The following KCNH7 variants were observed in gnomAD, a reference collection of about 807,000 sequenced individuals.
KCNH7 encodes the protein potassium voltage-gated channel subfamily H member 7, also known as voltage-gated inwardly rectifying potassium channel KCNH7.
A neutral mutation model predicts 120.8 loss-of-function variants in KCNH7; 49 were observed. The ratio of observed to expected loss-of-function variants is 0.41; its 90% CI spans 0.32 to 0.51. KCNH7 has a LOEUF of 0.51. Among genes scored for constraint, KCNH7 ranks in the 20% least tolerant of loss-of-function variants. The pLI, the probability that KCNH7 is intolerant of heterozygous loss-of-function variation, is 0.38. For synonymous variants in KCNH7, 547 were observed against 516.1 expected, an observed-to-expected ratio of 1.06 and a Z score of -0.81; for missense variants, 1,097 against 1,446.6, an observed-to-expected ratio of 0.76 and a Z score of 3.92.
At chr2:162,474,167 G>A (rs1480611052) in intron 6 of KCNH7, among the ~76,000 whole-genome samples, 1 of 152,220 alleles carries the variant, frequency 6.6e-6, no homozygotes, top group Non-Finnish European at 1.5e-5. Context: ...AAAGTCCCAT[G>A]AGGTTAGCAA....
chr2:162,641,547 T>C (rs1023219852), intron 2 of KCNH7, among the ~76,000 whole-genome samples: 62 of 147,500 alleles, frequency 4.2e-4, no homozygotes, highest in Middle Eastern at 3.2e-3. Context: ...AGACCTTCTC[T>C]GTATTTAAAA....
intron 2 of KCNH7, among the ~76,000 whole-genome samples, chr2:162,820,033 C>CCTT (rs1685054829): frequency 1.3e-5 from 1 of 77,040 alleles, no homozygotes; most frequent in Non-Finnish European, 2.4e-5. Flanking sequence ...ATTCCATAAA[C>CCTT]TTTTTTTTTT....
At chr2:162,450,890 T>A (rs1390917137) in intron 6 of KCNH7, among the ~76,000 whole-genome samples, 1 of 151,942 alleles carries the variant, frequency 6.6e-6, no homozygotes. Flanking sequence ...AGGAACCAGG[T>A]GGCAGAAATT....
chr2:162,749,833 A>C (rs753587416), intron 2 of KCNH7, among the ~76,000 whole-genome samples: 11 of 152,210 alleles, frequency 7.2e-5, no homozygotes, highest in Non-Finnish European at 1.2e-4. Flanking sequence ...TTTAAAGATG[A>C]TAATAAGAAT....
chr2:162,825,315 A>T (rs991976138), intron 2 of KCNH7, among the ~76,000 whole-genome samples: 2 of 151,996 alleles, frequency 1.3e-5, no homozygotes, highest in African/African-American at 2.4e-5. Context: ...ATTGCCTCAA[A>T]TATTTTCTAC....
intron 2 of KCNH7, among the ~76,000 whole-genome samples, chr2:162,575,207 C>T (rs1436458769): frequency 1.3e-5 from 2 of 152,020 alleles, no homozygotes; most frequent in Non-Finnish European, 2.9e-5. Flanking sequence ...TATTTGGGGA[C>T]ACAGGATCAA....
At chr2:162,593,416 T>C (rs6748991) in intron 2 of KCNH7, among the ~76,000 whole-genome samples, 6,610 of 152,144 alleles carry the variant, frequency 0.043, 287 homozygotes, top group East Asian at 0.11. Flanking sequence ...ATGCTCACAA[T>C]AAGCAGAGTC....
intron 3 of KCNH7, among the ~76,000 whole-genome samples, chr2:162,535,838 T>C (rs967805849): frequency 9.9e-5 from 15 of 151,752 alleles, no homozygotes; most frequent in African/African-American, 3.4e-4. Flanking sequence ...CAGAACAGAA[T>C]AGAAAATCCA....
chr2:162,387,580 A>G (rs1199578674), intron 12 of KCNH7, among the ~76,000 whole-genome samples: 1 of 151,672 alleles, frequency 6.6e-6, no homozygotes, highest in Non-Finnish European at 1.5e-5. Context: ...ATCATTTTAT[A>G]TAAAGAAAAA....
intron 2 of KCNH7, among the ~76,000 whole-genome samples, chr2:162,651,446 T>C (rs1684561935): frequency 6.6e-6 from 1 of 152,160 alleles, no homozygotes; most frequent in African/African-American, 2.4e-5. Context: ...CTCCCACTTA[T>C]AAGTGAGAAC....
chr2:162,694,457 CGTGTGGGTAT>C (rs1686218405), intron 2 of KCNH7, among the ~76,000 whole-genome samples: 1 of 148,070 alleles, frequency 6.8e-6, no homozygotes, highest in Non-Finnish European at 1.5e-5. Context: ...CCAGCTGGTG[CGTGTGGGTAT>C]GTGTGAAAGA....
At chr2:162,569,603 T>C (rs1291219142) in intron 2 of KCNH7, among the ~76,000 whole-genome samples, 5 of 147,106 alleles carry the variant, frequency 3.4e-5, no homozygotes, top group African/African-American at 1.3e-4. Context: ...GCTTTTCTAG[T>C]TCTTTTAATT....
intron 2 of KCNH7, among the ~76,000 whole-genome samples, chr2:162,543,728 T>G (rs1450322838): frequency 6.6e-6 from 1 of 152,096 alleles, no homozygotes; most frequent in Admixed American, 6.6e-5. Context: ...ACTTAGTCTT[T>G]CCAAGACTCA....
intron 7 of KCNH7, among the ~76,000 whole-genome samples, chr2:162,438,536 C>T (rs1688325925): frequency 6.6e-6 from 1 of 152,096 alleles, no homozygotes; most frequent in Non-Finnish European, 1.5e-5. Flanking sequence ...GAGAGAGCCA[C>T]AAAGTAGGGG....
At chr2:162,622,997 A>G (rs1683418340) in intron 2 of KCNH7, among the ~76,000 whole-genome samples, 4 of 152,162 alleles carry the variant, frequency 2.6e-5, no homozygotes, top group Admixed American at 2.0e-4. Flanking sequence ...GATAGAAAAA[A>G]GGAAGTAAAT....
At chr2:162,595,084 TTGAC>T (rs1174236526) in intron 2 of KCNH7, among the ~76,000 whole-genome samples, 1 of 152,036 alleles carries the variant, frequency 6.6e-6, no homozygotes, top group East Asian at 1.9e-4. Flanking sequence ...ATATAATCAA[TTGAC>T]TGGGTAATTT....
At chr2:162,734,488 T>C (rs772759798) in intron 2 of KCNH7, among the ~76,000 whole-genome samples, 10 of 152,182 alleles carry the variant, frequency 6.6e-5, no homozygotes, top group Non-Finnish European at 1.3e-4. Flanking sequence ...TTTGTCGATA[T>C]TGCGTTTTTC....
chr2:162,553,730 G>T (rs1288755093), intron 2 of KCNH7, among the ~76,000 whole-genome samples: 4 of 152,122 alleles, frequency 2.6e-5, no homozygotes, highest in South Asian at 2.1e-4. Flanking sequence ...AGAAACAAAA[G>T]GTTTGCGGAA....
At chr2:162,791,638 G>A (rs983933221) in intron 2 of KCNH7, among the ~76,000 whole-genome samples, 3 of 152,030 alleles carry the variant, frequency 2.0e-5, no homozygotes, top group Non-Finnish European at 2.9e-5. Flanking sequence ...TTTGTATCCC[G>A]AGACCTTGCT....
Sources: gnomAD v4.1 joint callset for allele counts (sites outside exome capture counted in the v4.1 genomes callset) on GRCh38, gnomAD v4.1.1 for gene constraint, MANE v1.5 for transcripts, NCBI Gene and HGNC (gene_info 2026-07-23, HGNC 2026-07-21) for gene names.